RNFT2: variants seen among roughly 807,000 people sequenced by gnomAD.
RNFT2 encodes the protein E3 ubiquitin-protein ligase RNFT2.
Under a neutral mutation model 53.0 loss-of-function variants are expected in RNFT2, and 36 were observed. The observed-to-expected ratio is 0.68, with a 90% CI of 0.52 to 0.90. RNFT2 has a LOEUF of 0.90. Ranked by LOEUF, RNFT2 falls within the 40% of genes least tolerant of loss-of-function variation. The pLI, the probability that RNFT2 is intolerant of heterozygous loss-of-function variation, is 0.00. For synonymous variants in RNFT2, 260 were observed against 253.2 expected, an observed-to-expected ratio of 1.03 and a Z score of -0.26; for missense variants, 514 against 585.6, an observed-to-expected ratio of 0.88 and a Z score of 1.26.
At chr12:116,786,959 C>G (rs1873961124) in intron 7 of RNFT2, among the ~76,000 whole-genome samples, 1 of 151,298 alleles carries the variant, frequency 6.6e-6, no homozygotes, top group Non-Finnish European at 1.5e-5. Flanking sequence ...ATGCCTCTCT[C>G]TGCCTCTCTC....
intron 7 of RNFT2, among the ~76,000 whole-genome samples, chr12:116,821,021 G>A (rs896601272): frequency 6.6e-6 from 1 of 152,082 alleles, no homozygotes; most frequent in Non-Finnish European, 1.5e-5. Context: ...AAATGGGAAC[G>A]CGTCATAACT....
At chr12:116,776,904 G>T (rs1873453079) in intron 6 of RNFT2, among the ~76,000 whole-genome samples, 1 of 145,110 alleles carries the variant, frequency 6.9e-6, no homozygotes, top group African/African-American at 2.5e-5. Context: ...AGTGTCCTCA[G>T]CTCAAAATGG....
intron 4 of RNFT2, among the ~76,000 whole-genome samples, chr12:116,750,727 A>C (rs563867025): frequency 4.7e-4 from 70 of 148,634 alleles, no homozygotes; most frequent in African/African-American, 1.7e-3. Flanking sequence ...TATAGTCTTC[A>C]TGGGATCACA....
Position 116,852,862 on chromosome 12 carries a change from A to G in RNFT2, c.*3414A>G. On this transcript the variant is annotated 3_prime_UTR_variant, in exon 11 of 11. Coordinates refer to ENST00000257575, the MANE Select transcript of RNFT2 (RefSeq NM_001382266.1). ...CTGGAACCAAGGAAACTAACAATGT[A>G]GGTTACTAGTGAATACCCCAATGGT... is the stretch of plus-strand genomic sequence containing the variant. 1 of 717,978 alleles carries G rather than the reference A, an allele frequency of 1.4e-6. No homozygotes were observed. Among genetic ancestry groups the G allele is most frequent in the East Asian group, 2.6e-5 (1 of 37,896 alleles). The allele number at this position is 717,978 out of a possible 1,614,324, so 44.5% of individuals were successfully genotyped here. A position where few individuals can be genotyped will look rare whatever the true frequency, so the allele number is the denominator to read the frequency against.
chr12:116,765,621 C>G (rs1017325953), intron 5 of RNFT2, among the ~76,000 whole-genome samples: 1 of 152,192 alleles, frequency 6.6e-6, no homozygotes, highest in African/African-American at 2.4e-5. Context: ...AACACGCCCC[C>G]CTTTGCATCT....
Position 116,779,297 on chromosome 12 carries a change from C to G in RNFT2, c.831C>G (p.Leu277=). ...TTCTGAAGTACATCACCATCGCCCTCAAGTGCCTCATCGTGGCCCTGCCCA... is the reference window on the plus strand; with the variant it reads ...TTCTGAAGTACATCACCATCGCCCTGAAGTGCCTCATCGTGGCCCTGCCCA... ...DFVLKYITIA[L]KCLIVALPKI... is the part of the protein sequence containing the mutation. The change falls in exon 7 of 11, where the codon CTC becomes CTG. Residue 277 remains leucine (L), a synonymous_variant. Coordinates refer to ENST00000257575, the MANE Select transcript of RNFT2 (RefSeq NM_001382266.1). The G allele has an allele frequency of 6.2e-7, 1 of 1,614,020 alleles. No homozygotes were observed. The highest frequency in any genetic ancestry group is 8.5e-7 in the Non-Finnish European group (1 of 1,179,904).
At chr12:116,749,820 T>C in intron 3 of RNFT2, 21 bp from the exon 4 acceptor site, 1 of 1,557,210 alleles carries the variant, frequency 6.4e-7, no homozygotes. Context: ...TTCCTGGGGT[T>C]TCTCTCCCCT....
Position 116,850,581 on chromosome 12 carries a change from AT to A in RNFT2, c.*1134del, listed in dbSNP as rs1190402674. 1 of 149,108 alleles carries A rather than the reference AT, an allele frequency of 6.7e-6. No individual in the cohort carries two copies. Among genetic ancestry groups the A allele is most frequent in the Non-Finnish European group, 1.5e-5 (1 of 67,562 alleles). 9.2% of individuals were successfully genotyped at this position (149,108 alleles called of 1,614,324 possible). ...AGATAGCCCAGGCCTGCAGATTAGAATCCCTGTGAGCCCTGTGAAGTATTTT... is the reference window on the plus strand; with the variant it reads ...AGATAGCCCAGGCCTGCAGATTAGAACCCTGTGAGCCCTGTGAAGTATTTT... On this transcript the variant is annotated 3_prime_UTR_variant, in exon 11 of 11. Coordinates refer to ENST00000257575, the MANE Select transcript of RNFT2 (RefSeq NM_001382266.1).
intron 7 of RNFT2, among the ~76,000 whole-genome samples, chr12:116,793,267 C>T (rs1489753609): frequency 1.5e-5 from 2 of 137,572 alleles, no homozygotes. Flanking sequence ...AGTGCAGTGG[C>T]GTGATCTCAG....
chr12:116,791,225 CT>C (rs1231894722), intron 7 of RNFT2, among the ~76,000 whole-genome samples: 1 of 152,230 alleles, frequency 6.6e-6, no homozygotes, highest in Admixed American at 6.5e-5. Context: ...GAATAATACC[CT>C]ATGTGGCCTT....
At chr12:116,797,632 G>A (rs1193543105) in intron 7 of RNFT2, among the ~76,000 whole-genome samples, 1 of 151,642 alleles carries the variant, frequency 6.6e-6, no homozygotes, top group Admixed American at 6.6e-5. Flanking sequence ...GAGGGTTCTT[G>A]GCTTTGCCCA....
intron 5 of RNFT2, among the ~76,000 whole-genome samples, chr12:116,761,365 C>G (rs1181473646): frequency 7.2e-5 from 11 of 152,164 alleles, no homozygotes; most frequent in Admixed American, 7.2e-4. Context: ...CCAGGCTGGT[C>G]TCAAACTCCT....
At chr12:116,819,767 C>A (rs1385381805) in intron 7 of RNFT2, among the ~76,000 whole-genome samples, 3 of 152,208 alleles carry the variant, frequency 2.0e-5, no homozygotes, top group African/African-American at 7.2e-5. Context: ...GCATAACTTA[C>A]ATACTGTGGA....
At chr12:116,821,406 C>T (rs919716821) in intron 7 of RNFT2, among the ~76,000 whole-genome samples, 1 of 152,250 alleles carries the variant, frequency 6.6e-6, no homozygotes, top group African/African-American at 2.4e-5. Context: ...TAGCCCAGCC[C>T]TTCAAGCCTC....
At chr12:116,823,873 C>G (rs891900624) in intron 7 of RNFT2, among the ~76,000 whole-genome samples, 1 of 152,082 alleles carries the variant, frequency 6.6e-6, no homozygotes, top group Non-Finnish European at 1.5e-5. Context: ...CCCAACAACC[C>G]TAGGAGCCAG....
At chr12:116,846,005 C>A (rs1309342469) in intron 10 of RNFT2, among the ~76,000 whole-genome samples, 1 of 152,076 alleles carries the variant, frequency 6.6e-6, no homozygotes, top group African/African-American at 2.4e-5. Flanking sequence ...GGAAACCTTC[C>A]TTGACTACCC....
intron 8 of RNFT2, among the ~76,000 whole-genome samples, chr12:116,835,393 C>G (rs965501412): frequency 6.6e-6 from 1 of 152,212 alleles, no homozygotes; most frequent in Non-Finnish European, 1.5e-5. Flanking sequence ...TAGTGCTTTT[C>G]TTTTCATCAT....
intron 7 of RNFT2, among the ~76,000 whole-genome samples, chr12:116,805,716 T>A (rs1456597401): frequency 6.6e-6 from 1 of 152,170 alleles, no homozygotes; most frequent in East Asian, 1.9e-4. Flanking sequence ...TCAACTGATC[T>A]GCCTGTCTCG....
chr12:116,847,875 T>C (rs1359965767), intron 10 of RNFT2, among the ~76,000 whole-genome samples: 1 of 152,186 alleles, frequency 6.6e-6, no homozygotes, highest in Non-Finnish European at 1.5e-5. Flanking sequence ...CCAGGATGCA[T>C]GTGCAGGATA....
Sources: gnomAD v4.1 joint callset for allele counts (sites outside exome capture counted in the v4.1 genomes callset) on GRCh38, gnomAD v4.1.1 for gene constraint, MANE v1.5 for transcripts, NCBI Gene and HGNC (gene_info 2026-07-23, HGNC 2026-07-21) for gene names.